Variants in SERAC1 observed in about 807,000 individuals in gnomAD.
The protein encoded by SERAC1 is serine active site containing 1, also known as protein SERAC1.
In SERAC1, 36 loss-of-function variants were observed where a neutral mutation model predicts 85.7. That is an observed-to-expected ratio of 0.42 (90% CI 0.32 to 0.55). SERAC1 has a LOEUF of 0.55. Among genes scored for constraint, SERAC1 ranks in the 20% least tolerant of loss-of-function variants. The pLI, the probability that SERAC1 is intolerant of heterozygous loss-of-function variation, is 0.11. For missense variants in SERAC1, 629 were observed against 796.2 expected, an observed-to-expected ratio of 0.79 and a Z score of 2.53; for synonymous variants, 242 against 265.3, an observed-to-expected ratio of 0.91 and a Z score of 0.85.
At chr6:158,155,939 G>C (rs1785321489) in intron 2 of SERAC1, among the ~76,000 whole-genome samples, 1 of 152,140 alleles carries the variant, frequency 6.6e-6, no homozygotes, top group Admixed American at 6.5e-5. Context: ...GAGGTCAGGA[G>C]TTCGAGACCA....
At chr6:158,139,830 C>T (rs562532702) in intron 8 of SERAC1, among the ~76,000 whole-genome samples, 6 of 152,230 alleles carry the variant, frequency 3.9e-5, no homozygotes, top group East Asian at 1.9e-4. Context: ...GCCAACAGCA[C>T]GTGAAAAGAT....
Position 158,109,956 on chromosome 6 carries a change from A to G in SERAC1, c.*1410T>C, listed in dbSNP as rs1191845050. ...AATTCCCAAATCCATAGAGACAGAA[A>G]ACAGATTAGTGTTTACCGCAGGCTT... On this transcript the variant is annotated 3_prime_UTR_variant, in exon 17 of 17. Transcript: ENST00000647468. 2 of 152,244 alleles carry G rather than the reference A, an allele frequency of 1.3e-5. No individual in the cohort carries two copies. The highest frequency in any genetic ancestry group is 2.4e-5 in the African/African-American group (1 of 41,480). 9.4% of individuals were successfully genotyped at this position (152,244 alleles called of 1,614,324 possible).
In SERAC1 at chr6:158,136,061, C is replaced by T. The variant is rs150903389; in HGVS notation, c.739-5575G>A. 9.7e-3 allele frequency among the ~76,000 whole-genome samples: 1,479 copies of T among 152,260 alleles called. 26 individuals carry two copies. The highest frequency in any genetic ancestry group is 0.033 in the African/African-American group (1,374 of 41,544). ...TCCTGACCTCATGATCCGCCTGCCT[C>T]GGTGTCCCAAAGTGCTGGAATTACA... On this transcript the variant is annotated intron_variant, in intron 8 of 16. Coordinates refer to ENST00000647468, the MANE Select transcript of SERAC1 (RefSeq NM_032861.4).
intron 10 of SERAC1, among the ~76,000 whole-genome samples, chr6:158,126,429 A>G (rs1295642617): frequency 6.6e-6 from 1 of 152,156 alleles, no homozygotes; most frequent in African/African-American, 2.4e-5. Context: ...GTACAGCAAT[A>G]AATTATAAAC....
At chr6:158,133,639 C>T (rs1044930796) in intron 8 of SERAC1, among the ~76,000 whole-genome samples, 1 of 152,068 alleles carries the variant, frequency 6.6e-6, no homozygotes, top group African/African-American at 2.4e-5. Context: ...CCCGCCTCGG[C>T]CTCCCAAAGT....
In SERAC1 at chr6:158,114,050, CAG is replaced by C. The variant is rs561028282; in HGVS notation, c.1685-460_1685-459del. The stretch of plus-strand genomic sequence containing the variant: ...AAAAGAGATGGATCAGATAAGCAAA[CAG>C]AAAAGCTGGCCACAGAAAAAAAACA... On this transcript the variant is annotated intron_variant, in intron 15 of 16. Coordinates refer to ENST00000647468, the MANE Select transcript of SERAC1 (RefSeq NM_032861.4). 1.4e-3 allele frequency among the ~76,000 whole-genome samples: 212 copies of C among 148,716 alleles called. 2 individuals carry two copies. In the Middle Eastern group the frequency reaches 0.017, roughly 12 times the overall value.
At chr6:158,156,919 AATATTAATATATTTATATAG>A (rs1562459978) in intron 2 of SERAC1, among the ~76,000 whole-genome samples, 25 of 60,916 alleles carry the variant, frequency 4.1e-4, no homozygotes, top group Non-Finnish European at 7.6e-4. Context: ...TATTTATATA[AATATTAATATATTTATATAG>A]ATATTAATAT....
chr6:158,159,181 T>C (rs1460383080), intron 1 of SERAC1: 1 of 152,206 alleles, frequency 6.6e-6, no homozygotes, highest in East Asian at 1.9e-4. Context: ...TCCTAACTTC[T>C]TCAATAATGC....
intron 1 of SERAC1, among the ~76,000 whole-genome samples, chr6:158,163,354 TTTTTA>T (rs1458325322): frequency 1.3e-5 from 2 of 152,238 alleles, no homozygotes; most frequent in Non-Finnish European, 2.9e-5. Flanking sequence ...AAATTTTATT[TTTTTA>T]TAAGTAGAGG....
At chr6:158,144,049 T>C (rs1047639035) in intron 7 of SERAC1, among the ~76,000 whole-genome samples, 1 of 152,176 alleles carries the variant, frequency 6.6e-6, no homozygotes, top group African/African-American at 2.4e-5. Context: ...GCTGATATGC[T>C]ATGGCATGTC....
At position 158,117,807 on chromosome 6, in the gene SERAC1, T is replaced by C; in HGVS notation, c.1323A>G (p.Lys441=). The C allele has an allele frequency of 6.2e-7, 1 of 1,613,822 alleles. No homozygotes were observed. Among genetic ancestry groups the C allele is most frequent in the Non-Finnish European group, 8.5e-7 (1 of 1,179,736 alleles). Residue 441 remains lysine (K), a synonymous_variant, in exon 13 of 17, where the codon AAA becomes AAG. Coordinates refer to ENST00000647468, the MANE Select transcript of SERAC1 (RefSeq NM_032861.4). The surrounding 1 kb of genome is among the most constrained non-coding windows in gnomAD (Gnocchi z 4.3). ...TTCWPKTWLA[K]DCPALRIISV... ...ATATAATTCGGAGAGCAGGACAGTCTTTTGCTAACCATGTCTAAGTAAAAT... is the reference window on the plus strand; with the variant it reads ...ATATAATTCGGAGAGCAGGACAGTCCTTTGCTAACCATGTCTAAGTAAAAT...
chr6:158,113,395 A>T, intron 16 of SERAC1, 54 bp downstream of exon 16: 6 of 1,492,804 alleles, frequency 4.0e-6, no homozygotes, highest in Non-Finnish European at 5.5e-6. Flanking sequence ...TTACAAGTAA[A>T]TGCTAGGTAT....
intron 1 of SERAC1, among the ~76,000 whole-genome samples, 163 bp downstream of exon 1, chr6:158,167,977 C>T (rs1294998580): frequency 2.0e-5 from 3 of 152,146 alleles, no homozygotes; most frequent in Non-Finnish European, 4.4e-5. Flanking sequence ...AGAGAGAGGC[C>T]CTCACGCCCA....
intron 9 of SERAC1, 34 bp from the exon 10 acceptor site, chr6:158,128,304 AT>A: frequency 6.2e-7 from 1 of 1,606,910 alleles, no homozygotes; most frequent in Non-Finnish European, 8.5e-7. Context: ...CTCCCTTGAC[AT>A]TGTACAAATT....
At chr6:158,145,014 C>T (rs949415015) in intron 6 of SERAC1, among the ~76,000 whole-genome samples, 3 of 152,080 alleles carry the variant, frequency 2.0e-5, no homozygotes, top group Non-Finnish European at 4.4e-5. Flanking sequence ...GAAGCCGAGG[C>T]GGGCGGATCA....
At chr6:158,140,199 C>T (rs750533644) in intron 8 of SERAC1, among the ~76,000 whole-genome samples, 2 of 152,042 alleles carry the variant, frequency 1.3e-5, no homozygotes, top group African/African-American at 4.8e-5. Context: ...GACTGGTGGA[C>T]GGAGGGCCCC....
Position 158,122,508 on chromosome 6 carries a change from G to A in SERAC1, c.1016-1933C>T, listed in dbSNP as rs141623708. ...TTTAAACACATACAATGGGCCAGGC[G>A]TGGTGTTTCATGCCTGTAATCCCAA... On this transcript the variant is annotated intron_variant, in intron 10 of 16. Coordinates refer to ENST00000647468, the MANE Select transcript of SERAC1 (RefSeq NM_032861.4). 3.9e-3 allele frequency among the ~76,000 whole-genome samples: 600 copies of A among 152,230 alleles called. 6 individuals carry two copies. The highest frequency in any genetic ancestry group is 0.014 in the African/African-American group (570 of 41,528).
chr6:158,141,264 A>C (rs1470286293), intron 8 of SERAC1, among the ~76,000 whole-genome samples: 2 of 152,244 alleles, frequency 1.3e-5, no homozygotes, highest in Non-Finnish European at 2.9e-5. Flanking sequence ...AAAATAGATC[A>C]GTGGTTACCA....
intron 16 of SERAC1, chr6:158,111,950 C>T (rs1784153030): frequency 6.5e-6 from 1 of 153,310 alleles, no homozygotes; most frequent in Admixed American, 6.4e-5. Context: ...TGATTTAGTG[C>T]TTGAGATATT....
Sources: gnomAD v4.1 joint callset for allele counts (sites outside exome capture counted in the v4.1 genomes callset) on GRCh38, gnomAD v4.1.1 for gene constraint, Gnocchi (gnomAD v3.1) non-coding constraint, MANE v1.5 for transcripts, NCBI Gene and HGNC (gene_info 2026-07-23, HGNC 2026-07-21) for gene names.